VWC2: variants seen among roughly 807,000 people sequenced by gnomAD.
VWC2 encodes von Willebrand factor C domain containing 2.
A neutral mutation model predicts 29.8 loss-of-function variants in VWC2; 14 were observed. That is an observed-to-expected ratio of 0.47 (90% CI 0.31 to 0.74). VWC2 has a LOEUF of 0.74. Ranked by LOEUF, VWC2 falls within the 30% of genes least tolerant of loss-of-function variation. The pLI is 0.05. For missense variants in VWC2, 457 were observed against 459.8 expected (o/e 0.99, Z 0.05); for synonymous variants, 213 against 199.0 (o/e 1.07, Z -0.59).
At chr7:49,817,749 CA>C (rs1279628503) in intron 3 of VWC2, among the ~76,000 whole-genome samples, 2 of 152,218 alleles carry the variant, frequency 1.3e-5, no homozygotes, top group African/African-American at 4.8e-5. Flanking sequence ...AGAGCAGTTA[CA>C]ATTTGCCAAT....
Position 49,916,297 on chromosome 7 carries a change from C to T in VWC2, c.*4112C>T, listed in dbSNP as rs1793720253. ...ATGGACAACACCATGACCCAGGCCC[C>T]TGTGGCTGGTGAGACTTCTGGGCCC... is the stretch of plus-strand genomic sequence containing the variant. On this transcript the variant is annotated 3_prime_UTR_variant, in exon 4 of 4. Coordinates refer to ENST00000340652, the MANE Select transcript of VWC2 (RefSeq NM_198570.5). 1 of 152,184 alleles carries T rather than the reference C, an allele frequency of 6.6e-6. No individual in the cohort carries two copies. Among genetic ancestry groups the T allele is most frequent in the Non-Finnish European group, 1.5e-5 (1 of 68,034 alleles). 9.4% of individuals were successfully genotyped at this position (152,184 alleles called of 1,614,324 possible). A position where few individuals can be genotyped will look rare whatever the true frequency, so the allele number is the denominator to read the frequency against.
intron 3 of VWC2, among the ~76,000 whole-genome samples, chr7:49,805,128 A>G (rs1041505174): frequency 6.6e-6 from 1 of 152,240 alleles, no homozygotes; most frequent in Non-Finnish European, 1.5e-5. Context: ...TACAAAAACT[A>G]AACACTTTAT....
chr7:49,788,704 T>A (rs77594437), intron 2 of VWC2, among the ~76,000 whole-genome samples: 32 of 108,504 alleles, frequency 2.9e-4, no homozygotes, highest in Non-Finnish European at 3.6e-4. Context: ...TGTGTGTGTG[T>A]GAGAGGATGT....
At chr7:49,877,481 A>AAAAAAT in intron 3 of VWC2, among the ~76,000 whole-genome samples, 1 of 12,722 alleles carries the variant, frequency 7.9e-5, no homozygotes, top group East Asian at 5.5e-3. Flanking sequence ...AAAAAAAAAA[A>AAAAAAT]ATATATATAT....
intron 3 of VWC2, among the ~76,000 whole-genome samples, chr7:49,887,753 CA>C (rs1386591816): frequency 1.3e-5 from 2 of 152,160 alleles, no homozygotes; most frequent in Non-Finnish European, 2.9e-5. Flanking sequence ...GTCTATACAA[CA>C]CCACACCAAC....
rs929809683 is a variant in VWC2 at position 49,917,208 on chromosome 7, A to G, written c.*5023A>G. On this transcript the variant is annotated 3_prime_UTR_variant, in exon 4 of 4. Coordinates refer to ENST00000340652, the MANE Select transcript of VWC2 (RefSeq NM_198570.5). Reference sequence around the variant, plus strand: ...AAATATAGTAGCTTCCATAATCTGAATGATAACCATTTAAAAGTGATGGTT... The same window carrying G: ...AAATATAGTAGCTTCCATAATCTGAGTGATAACCATTTAAAAGTGATGGTT... 8 of 152,164 alleles carry G rather than the reference A, an allele frequency of 5.3e-5. No homozygotes were observed. The highest frequency in any genetic ancestry group is 1.4e-4 in the African/African-American group (6 of 41,450). 9.4% of individuals were successfully genotyped at this position (152,164 alleles called of 1,614,324 possible).
At chr7:49,777,447 G>C (rs778783247) in intron 2 of VWC2, among the ~76,000 whole-genome samples, 3 of 152,096 alleles carry the variant, frequency 2.0e-5, no homozygotes, top group Admixed American at 6.5e-5. Context: ...AGGAAACATG[G>C]TTATTCATTC....
rs759827035 is a variant in VWC2 at position 49,788,789 on chromosome 7, GGTGA to G, written c.696+12662_696+12665del. Among the ~76,000 whole-genome samples the G allele has an allele frequency of 1.4e-4, 21 of 145,898 alleles. No individual in the cohort carries two copies. In the South Asian group the frequency reaches 4.0e-3, roughly 28 times the overall value. On this transcript the variant is annotated intron_variant, in intron 2 of 3. Coordinates refer to ENST00000340652, the MANE Select transcript of VWC2 (RefSeq NM_198570.5). ...GTGAGAGAGGGTGTGTATGAGTGTG[GGTGA>G]GTGTGACTGTGTGGGTGCGTGTGAG...
chr7:49,826,675 T>C (rs1411627535), intron 3 of VWC2, among the ~76,000 whole-genome samples: 8 of 152,224 alleles, frequency 5.3e-5, no homozygotes, highest in African/African-American at 1.9e-4. Context: ...AGTAATACTT[T>C]TAAATATTAA....
chr7:49,900,126 A>G (rs2128735151), intron 3 of VWC2, among the ~76,000 whole-genome samples: 1 of 151,884 alleles, frequency 6.6e-6, no homozygotes, highest in South Asian at 2.1e-4. Flanking sequence ...CTAAATAAAA[A>G]TTTAGTTTAT....
chr7:49,804,642 AT>A (rs200492491), intron 3 of VWC2, among the ~76,000 whole-genome samples: 3 of 151,680 alleles, frequency 2.0e-5, no homozygotes, highest in Non-Finnish European at 4.4e-5. Context: ...CAACCCCTGG[AT>A]TTTTTTTTCT....
intron 3 of VWC2, among the ~76,000 whole-genome samples, chr7:49,805,204 T>C (rs1562712363): frequency 6.6e-6 from 1 of 152,210 alleles, no homozygotes; most frequent in African/African-American, 2.4e-5. Context: ...GGGAGATGGT[T>C]GTTGTCCTGA....
At chr7:49,883,963 A>G (rs1372858384) in intron 3 of VWC2, among the ~76,000 whole-genome samples, 1 of 152,234 alleles carries the variant, frequency 6.6e-6, no homozygotes, top group African/African-American at 2.4e-5. Flanking sequence ...CTTAGGTGTG[A>G]TGGTGGAGAA....
At position 49,775,577 on chromosome 7, in the gene VWC2, C is replaced by G; in HGVS notation, c.142C>G (p.Arg48Gly). 6.5e-7 allele frequency: 1 copy of G among 1,539,982 alleles called. No homozygotes were observed. The highest frequency in any genetic ancestry group is 8.7e-7 in the Non-Finnish European group (1 of 1,145,226). Residue 48 changes from arginine (R) to glycine (G), a missense_variant, in exon 2 of 4, where the codon CGT becomes GGT. Arg to Gly is a moderately radical substitution (Grantham distance 125). Transcript: ENST00000340652. ...QAPEQPGQEK[R>G]EHASRDGPGR... ...ACCAGAGCAGCCGGGCCAGGAGAAG[C>G]GTGAGCACGCCTCTCGGGACGGCCC...
Position 49,921,459 on chromosome 7 carries a change from G to A in VWC2, c.*9274G>A, listed in dbSNP as rs1235482760. On this transcript the variant is annotated 3_prime_UTR_variant, in exon 4 of 4. Transcript: ENST00000340652. Reference sequence around the variant, plus strand: ...CTTGGCAGTAAAGACTTTGGCCTTTGGAGGTCTGATTCTAATCCCAGTTCT... The same window carrying A: ...CTTGGCAGTAAAGACTTTGGCCTTTAGAGGTCTGATTCTAATCCCAGTTCT... 1 of 152,136 alleles carries A rather than the reference G, an allele frequency of 6.6e-6. No individual in the cohort carries two copies. Among genetic ancestry groups the A allele is most frequent in the Non-Finnish European group, 1.5e-5 (1 of 68,028 alleles). The allele number at this position is 152,136 out of a possible 1,614,324, so 9.4% of individuals were successfully genotyped here.
At chr7:49,791,751 A>G (rs1788466517) in intron 2 of VWC2, among the ~76,000 whole-genome samples, 1 of 152,078 alleles carries the variant, frequency 6.6e-6, no homozygotes, top group Admixed American at 6.6e-5. Context: ...TTCTTTCCAG[A>G]CAAGAAGATG....
In VWC2 at chr7:49,897,694, A is replaced by T. The variant is rs114162825; in HGVS notation, c.827-14340A>T. The stretch of plus-strand genomic sequence containing the variant: ...AAAATCACAACTTACCTGAGCAGAA[A>T]GCTCCATGGGAACCAGTATTGGGTT... On this transcript the variant is annotated intron_variant, in intron 3 of 3. Transcript: ENST00000340652. Among the ~76,000 whole-genome samples, 481 of 152,356 alleles carry T rather than the reference A, an allele frequency of 3.2e-3. 6 individuals carry two copies. Among genetic ancestry groups the T allele is most frequent in the African/African-American group, 0.011 (448 of 41,582 alleles).
chr7:49,844,053 C>T (rs1042196808), intron 3 of VWC2, among the ~76,000 whole-genome samples: 1 of 152,130 alleles, frequency 6.6e-6, no homozygotes, highest in African/African-American at 2.4e-5. Context: ...TGAAGGTTGG[C>T]AGCACAGGAG....
intron 3 of VWC2, among the ~76,000 whole-genome samples, chr7:49,879,425 G>A (rs1791579500): frequency 6.6e-6 from 1 of 152,144 alleles, no homozygotes; most frequent in African/African-American, 2.4e-5. Context: ...TATCCGGAGA[G>A]GGTTTATATG....
Sources: gnomAD v4.1 joint callset for allele counts (sites outside exome capture counted in the v4.1 genomes callset) on GRCh38, gnomAD v4.1.1 for gene constraint, MANE v1.5 for transcripts, NCBI Gene and HGNC (gene_info 2026-07-23, HGNC 2026-07-21) for gene names.